Variants in GMDS observed in about 807,000 individuals in gnomAD.
The protein encoded by GMDS is GDP-mannose 4,6 dehydratase.
GMDS carries 20 observed loss-of-function variants against 49.9 expected under a neutral mutation model. The ratio of observed to expected loss-of-function variants is 0.40; its 90% CI spans 0.28 to 0.58. The LOEUF (loss-of-function observed/expected upper bound fraction) is 0.58, where lower values mean the gene tolerates loss of function less well. Ranked by LOEUF, GMDS falls within the 20% of genes least tolerant of loss-of-function variation. The pLI is 0.42. For synonymous variants in GMDS, 177 were observed against 178.6 expected (o/e 0.99, Z 0.07); for missense variants, 362 against 481.4 (o/e 0.75, Z 2.32).
At chr6:1,669,349 A>G (rs1019837524) in intron 9 of GMDS, among the ~76,000 whole-genome samples, 1 of 152,120 alleles carries the variant, frequency 6.6e-6, no homozygotes, top group Non-Finnish European at 1.5e-5. Flanking sequence ...CTCTGAGTCT[A>G]CACTCTGGAG....
At chr6:1,739,486 C>G (rs1219100694) in intron 8 of GMDS, among the ~76,000 whole-genome samples, 1 of 152,250 alleles carries the variant, frequency 6.6e-6, no homozygotes, top group African/African-American at 2.4e-5. Context: ...ACCCTGCTCC[C>G]CCGCATTCAA....
chr6:1,678,538 A>T (rs1241036931), intron 9 of GMDS, among the ~76,000 whole-genome samples: 1 of 151,656 alleles, frequency 6.6e-6, no homozygotes, highest in Non-Finnish European at 1.5e-5. Context: ...CTTGCTCCTT[A>T]CAAGTTGGGC....
At chr6:1,951,156 T>A (rs1763322885) in intron 6 of GMDS, among the ~76,000 whole-genome samples, 6 of 151,822 alleles carry the variant, frequency 4.0e-5, no homozygotes, top group South Asian at 4.2e-4. Flanking sequence ...AAAAAACAAA[T>A]CAAAAGGAAA....
intron 1 of GMDS, among the ~76,000 whole-genome samples, chr6:2,215,794 G>A (rs1438995990): frequency 1.3e-5 from 2 of 152,190 alleles, no homozygotes; most frequent in Non-Finnish European, 2.9e-5. Context: ...AAATAATTAT[G>A]AGACAATTAG....
chr6:1,624,244 G>A lies in GMDS; in HGVS notation c.1057-13C>T. On this transcript the variant is annotated splice_polypyrimidine_tract_variant and intron_variant, in intron 10 of 10. Transcript: ENST00000380815. ...CCCTCACCAGCTCCTGCAACACAGG[G>A]GTGGGCGTGAGGGAGGAGCTTCTGC... 3.1e-6 allele frequency: 5 copies of A among 1,610,442 alleles called. No individual in the cohort carries two copies. The highest frequency in any genetic ancestry group is 4.2e-6 in the Non-Finnish European group (5 of 1,179,224).
chr6:2,183,920 TATA>T (rs2127563452), intron 1 of GMDS, among the ~76,000 whole-genome samples: 1 of 152,348 alleles, frequency 6.6e-6, no homozygotes, highest in African/African-American at 2.4e-5. Context: ...ATTTTTTAGA[TATA>T]ATGCTACTGT....
At chr6:2,238,297 C>T (rs568083122) in intron 1 of GMDS, among the ~76,000 whole-genome samples, 4 of 151,946 alleles carry the variant, frequency 2.6e-5, no homozygotes, top group Admixed American at 2.6e-4. Context: ...GCAGGAGGAT[C>T]ACCTGAGCCC....
intron 9 of GMDS, among the ~76,000 whole-genome samples, chr6:1,654,724 A>G (rs1763816767): frequency 6.6e-6 from 1 of 152,150 alleles, no homozygotes; most frequent in Admixed American, 6.6e-5. Context: ...ACACTTGAAA[A>G]TGGTTAAGAT....
chr6:2,122,615 T>C (rs1028497582), intron 2 of GMDS, among the ~76,000 whole-genome samples: 3 of 152,226 alleles, frequency 2.0e-5, no homozygotes, highest in African/African-American at 7.2e-5. Flanking sequence ...ACATAAGGCC[T>C]GTGCCACCAT....
chr6:1,989,149 G>GA (rs1185074359), intron 4 of GMDS, among the ~76,000 whole-genome samples: 1 of 152,186 alleles, frequency 6.6e-6, no homozygotes. Flanking sequence ...GGGAATTTAG[G>GA]AAAGTCCTAC....
chr6:2,027,348 G>T (rs974179439), intron 4 of GMDS, among the ~76,000 whole-genome samples: 21 of 152,234 alleles, frequency 1.4e-4, no homozygotes, highest in Admixed American at 1.3e-3. Context: ...CAGGTAGAAA[G>T]CTCTGCAACC....
chr6:1,637,111 T>A (rs1581395267), intron 9 of GMDS, among the ~76,000 whole-genome samples: 1 of 152,212 alleles, frequency 6.6e-6, no homozygotes, highest in South Asian at 2.1e-4. Flanking sequence ...GGACTGAAGG[T>A]GTCCCAGCTG....
At chr6:2,176,828 T>A (rs1212283089) in intron 1 of GMDS, among the ~76,000 whole-genome samples, 1 of 152,036 alleles carries the variant, frequency 6.6e-6, no homozygotes, top group East Asian at 1.9e-4. Context: ...CAGGTTATAG[T>A]GCAGGGCCAA....
intron 6 of GMDS, 68 bp from the exon 7 acceptor site, chr6:1,930,298 A>C: frequency 5.1e-6 from 7 of 1,382,352 alleles, no homozygotes; most frequent in East Asian, 2.4e-5. Context: ...TGGTGAACCA[A>C]ACCCGATTTC....
chr6:1,946,691 A>G (rs1267743921), intron 6 of GMDS, among the ~76,000 whole-genome samples: 1 of 152,120 alleles, frequency 6.6e-6, no homozygotes, highest in Non-Finnish European at 1.5e-5. Context: ...CAGGTACGGA[A>G]GGCTTTCCAG....
intron 4 of GMDS, among the ~76,000 whole-genome samples, chr6:2,111,429 G>A (rs1774537987): frequency 6.6e-6 from 1 of 152,140 alleles, no homozygotes; most frequent in Non-Finnish European, 1.5e-5. Context: ...TTCTGTTTAT[G>A]ATTCAGAAAA....
intron 4 of GMDS, among the ~76,000 whole-genome samples, chr6:2,005,091 C>G (rs1767074359): frequency 6.6e-6 from 1 of 152,124 alleles, no homozygotes; most frequent in African/African-American, 2.4e-5. Context: ...GTAAGTAGTT[C>G]AAACATTCTT....
chr6:2,069,801 C>T (rs956458317), intron 4 of GMDS, among the ~76,000 whole-genome samples: 3 of 152,032 alleles, frequency 2.0e-5, no homozygotes, highest in Non-Finnish European at 4.4e-5. Context: ...GAAATAGGAA[C>T]ACTTTTACAC....
At chr6:2,051,279 A>G (rs11966735) in intron 4 of GMDS, among the ~76,000 whole-genome samples, 7,518 of 152,248 alleles carry the variant, frequency 0.049, 475 homozygotes, top group African/African-American at 0.14. Context: ...GAACCATAAG[A>G]CAGTAAGTTT....
Sources: gnomAD v4.1 joint callset for allele counts (sites outside exome capture counted in the v4.1 genomes callset) on GRCh38, gnomAD v4.1.1 for gene constraint, MANE v1.5 for transcripts, NCBI Gene and HGNC (gene_info 2026-07-23, HGNC 2026-07-21) for gene names.